SPINK7: variants seen among roughly 807,000 people sequenced by gnomAD.
SPINK7 encodes the protein serine protease inhibitor Kazal-type 7.
In SPINK7, 8 loss-of-function variants were observed where a neutral mutation model predicts 11.6. That is an observed-to-expected ratio of 0.69 (90% CI 0.41 to 1.25). The LOEUF (loss-of-function observed/expected upper bound fraction) is 1.25, where lower values mean the gene tolerates loss of function less well. Ranked by LOEUF, SPINK7 falls within the 50% of genes most tolerant of loss-of-function variation. SPINK7 has a pLI of 0.01. For synonymous variants in SPINK7, 38 were observed against 35.3 expected, an observed-to-expected ratio of 1.08 and a Z score of -0.27; for missense variants, 113 against 99.3, an observed-to-expected ratio of 1.14 and a Z score of -0.58.
chr5:148,312,560 A>T lies in SPINK7; in HGVS notation c.61+16A>T. On this transcript the variant is annotated intron_variant, in intron 1 of 3. Transcript: ENST00000274565. Reference sequence around the variant, plus strand: ...AGCAGCTCAGGTAAGTTAAGGTCAGACAGTGCCCTATATAGCCATTAAGAT... The same window carrying T: ...AGCAGCTCAGGTAAGTTAAGGTCAGTCAGTGCCCTATATAGCCATTAAGAT... 3 of 1,514,812 alleles carry T rather than the reference A, an allele frequency of 2.0e-6. No homozygotes were observed. Among genetic ancestry groups the T allele is most frequent in the Non-Finnish European group, 2.7e-6 (3 of 1,093,402 alleles). 93.8% of individuals were successfully genotyped at this position (1,514,812 alleles called of 1,614,324 possible). A position where few individuals can be genotyped will look rare whatever the true frequency, so the allele number is the denominator to read the frequency against.
At chr5:148,315,349 C>T (rs900196751) in intron 3 of SPINK7, among the ~76,000 whole-genome samples, 1 of 152,082 alleles carries the variant, frequency 6.6e-6, no homozygotes, top group African/African-American at 2.4e-5. Flanking sequence ...GACAGGCCCT[C>T]TCAATTTTGT....
chr5:148,312,491 T>A lies in SPINK7; in HGVS notation c.8T>A (p.Ile3Asn), dbSNP rs763704962. MK[I>N]TGGLLLLCTV... ...ACCACAGCCATTTCCAGCATGAAGA[T>A]CACTGGGGGTCTCCTTCTGCTCTGT... Residue 3 changes from isoleucine (I) to asparagine (N), a missense_variant, in exon 1 of 4, where the codon ATC becomes AAC. Physicochemically the swap from Ile to Asn is moderately radical, Grantham distance 149. Coordinates refer to ENST00000274565, the MANE Select transcript of SPINK7 (RefSeq NM_032566.3). The A allele has an allele frequency of 1.2e-5, 20 of 1,610,984 alleles. No homozygotes were observed. Among genetic ancestry groups the A allele is most frequent in the Non-Finnish European group, 1.7e-5 (20 of 1,177,468 alleles).
chr5:148,315,697 C>G lies in SPINK7; in HGVS notation c.*13C>G. The G allele has an allele frequency of 2.0e-6, 3 of 1,516,062 alleles. No individual in the cohort carries two copies. The highest frequency in any genetic ancestry group is 2.7e-6 in the Non-Finnish European group (3 of 1,092,818). 93.9% of individuals were successfully genotyped at this position (1,516,062 alleles called of 1,614,324 possible). On this transcript the variant is annotated 3_prime_UTR_variant, in exon 4 of 4. Transcript: ENST00000274565. ...TGGAAGTTGCTAAATTCTCCATGGACATAGAGAGAAAGGAATGATATTCTC... is the reference window on the plus strand; with the variant it reads ...TGGAAGTTGCTAAATTCTCCATGGAGATAGAGAGAAAGGAATGATATTCTC...
At chr5:148,314,267 T>C (rs1306457848) in intron 3 of SPINK7, 43 bp downstream of exon 3, 3 of 1,605,114 alleles carry the variant, frequency 1.9e-6, no homozygotes, top group African/African-American at 1.3e-5. Flanking sequence ...GAGTCAGTGC[T>C]CTCTACTACA....
chr5:148,313,298 G>A, intron 1 of SPINK7, 76 bp from the exon 2 acceptor site: 3 of 1,126,394 alleles, frequency 2.7e-6, no homozygotes, highest in Non-Finnish European at 3.9e-6. Flanking sequence ...TAATTATATA[G>A]GATGAAACTT....
intron 2 of SPINK7, 126 bp from the exon 3 acceptor site, chr5:148,313,974 C>A: frequency 5.1e-6 from 6 of 1,175,126 alleles, no homozygotes; most frequent in Non-Finnish European, 7.4e-6. Flanking sequence ...AACACTAGTA[C>A]TTAAAGAAGT....
chr5:148,313,669 G>A (rs149007068), intron 2 of SPINK7: 5 of 402,604 alleles, frequency 1.2e-5, no homozygotes, highest in South Asian at 5.7e-5. Context: ...AAGGCATAAC[G>A]TGTAAAAGGC....
intron 2 of SPINK7, 102 bp from the exon 3 acceptor site, chr5:148,313,998 C>T: frequency 6.8e-7 from 1 of 1,470,866 alleles, no homozygotes. Flanking sequence ...CAAGCAACAT[C>T]TGAATATCTG....
Position 148,315,691 on chromosome 5 carries a change from C to T in SPINK7, c.*7C>T, listed in dbSNP as rs187355255. ...TCACGATGGAAGTTGCTAAATTCTC[C>T]ATGGACATAGAGAGAAAGGAATGAT... On this transcript the variant is annotated 3_prime_UTR_variant, in exon 4 of 4. Coordinates refer to ENST00000274565, the MANE Select transcript of SPINK7 (RefSeq NM_032566.3). The T allele has an allele frequency of 6.5e-6, 10 of 1,535,754 alleles. No individual in the cohort carries two copies. In the African/African-American group the frequency reaches 1.4e-4, roughly 21 times the overall value.
intron 2 of SPINK7, 24 bp from the exon 3 acceptor site, chr5:148,314,076 G>A (rs1756897131): frequency 1.2e-6 from 2 of 1,613,414 alleles, no homozygotes; most frequent in South Asian, 1.1e-5. Flanking sequence ...AGAAAAACAG[G>A]ACATTTGCTT....
At chr5:148,313,933 T>C (rs1581178828) in intron 2 of SPINK7, 167 bp from the exon 3 acceptor site, 2 of 764,588 alleles carry the variant, frequency 2.6e-6, no homozygotes, top group Non-Finnish European at 4.3e-6. Flanking sequence ...AAAAATAGAA[T>C]ACCAGTAGTG....
chr5:148,313,284 A>G (rs1343445151), intron 1 of SPINK7, 90 bp from the exon 2 acceptor site: 2 of 964,166 alleles, frequency 2.1e-6, no homozygotes, highest in Non-Finnish European at 3.1e-6. Context: ...AAGGAAATGT[A>G]GAGTAATTAT....
Position 148,312,438 on chromosome 5 carries a change from G to C in SPINK7, c.-46G>C. The C allele has an allele frequency of 2.3e-6, 3 of 1,290,824 alleles. No homozygotes were observed. Among genetic ancestry groups the C allele is most frequent in the Middle Eastern group, 1.8e-4 (1 of 5,438 alleles). The allele number at this position is 1,290,824 out of a possible 1,614,324, so 80.0% of individuals were successfully genotyped here. A position where few individuals can be genotyped will look rare whatever the true frequency, so the allele number is the denominator to read the frequency against. ...TACCTGGGATATGGTCGATGCAGCT[G>C]TAGTGACAATCTCAGAGCAGCTTCT... On this transcript the variant is annotated 5_prime_UTR_variant, in exon 1 of 4. Transcript: ENST00000274565.
chr5:148,313,533 C>A, intron 2 of SPINK7, 134 bp downstream of exon 2: 1 of 520,128 alleles, frequency 1.9e-6, no homozygotes. Context: ...ACCTGTTCTC[C>A]AGAAGGCAAC....
chr5:148,313,770 T>C (rs1052065641), intron 2 of SPINK7: 32 of 451,832 alleles, frequency 7.1e-5, no homozygotes, highest in Non-Finnish European at 1.2e-4. Context: ...AAGTTATCTC[T>C]ATTTCTAAGC....
Position 148,315,825 on chromosome 5 carries a change from G to A in SPINK7, c.*141G>A, listed in dbSNP as rs1383733082. The A allele has an allele frequency of 1.9e-6, 1 of 525,800 alleles. No homozygotes were observed. The highest frequency in any genetic ancestry group is 2.8e-5 in the East Asian group (1 of 35,390). The allele number at this position is 525,800 out of a possible 1,614,324, so 32.6% of individuals were successfully genotyped here. A position where few individuals can be genotyped will look rare whatever the true frequency, so the allele number is the denominator to read the frequency against. On this transcript the variant is annotated 3_prime_UTR_variant, in exon 4 of 4. Coordinates refer to ENST00000274565, the MANE Select transcript of SPINK7 (RefSeq NM_032566.3). ...GATTCAGAGTAATCTTGACTGAATG[G>A]AGAAAGTTTCTGTGCTACCCCTACA...
rs1581179666 is a variant in SPINK7 at position 148,315,698 on chromosome 5, A to G, written c.*14A>G. ...GGAAGTTGCTAAATTCTCCATGGAC[A>G]TAGAGAGAAAGGAATGATATTCTCA... On this transcript the variant is annotated 3_prime_UTR_variant, in exon 4 of 4. Coordinates refer to ENST00000274565, the MANE Select transcript of SPINK7 (RefSeq NM_032566.3). 1 of 1,507,318 alleles carries G rather than the reference A, an allele frequency of 6.6e-7. No individual in the cohort carries two copies. Among genetic ancestry groups the G allele is most frequent in the Non-Finnish European group, 9.2e-7 (1 of 1,085,156 alleles). The allele number at this position is 1,507,318 out of a possible 1,614,324, so 93.4% of individuals were successfully genotyped here.
At chr5:148,313,351 C>T (rs548721990) in intron 1 of SPINK7, 23 bp from the exon 2 acceptor site, 2 of 1,589,990 alleles carry the variant, frequency 1.3e-6, no homozygotes, top group Non-Finnish European at 1.7e-6. Context: ...CTTTTAACAT[C>T]TTCATCTGTA....
Position 148,315,720 on chromosome 5 carries a change from CT to C in SPINK7, c.*37del, listed in dbSNP as rs764448945. Reference sequence around the variant, plus strand: ...GACATAGAGAGAAAGGAATGATATTCTCATCATCATCTTCATCATCCCAGGC... The same window carrying C: ...GACATAGAGAGAAAGGAATGATATTCCATCATCATCTTCATCATCCCAGGC... On this transcript the variant is annotated 3_prime_UTR_variant, in exon 4 of 4. Transcript: ENST00000274565. The C allele has an allele frequency of 8.4e-7, 1 of 1,184,676 alleles. No homozygotes were observed. Among genetic ancestry groups the C allele is most frequent in the South Asian group, 1.2e-5 (1 of 80,984 alleles). The allele number at this position is 1,184,676 out of a possible 1,614,324, so 73.4% of individuals were successfully genotyped here.
Sources: gnomAD v4.1 joint callset for allele counts (sites outside exome capture counted in the v4.1 genomes callset) on GRCh38, gnomAD v4.1.1 for gene constraint, MANE v1.5 for transcripts, NCBI Gene and HGNC (gene_info 2026-07-23, HGNC 2026-07-21) for gene names.